DENND2D: variants seen among roughly 807,000 people sequenced by gnomAD.
The protein encoded by DENND2D is DENN domain-containing protein 2D.
DENND2D carries 37 observed loss-of-function variants against 59.8 expected under a neutral mutation model. The ratio of observed to expected loss-of-function variants is 0.62; its 90% confidence interval spans 0.48 to 0.81. The LOEUF is 0.81. DENND2D is among the 40% of genes least tolerant of loss of function. The pLI, the probability that DENND2D is intolerant of heterozygous loss-of-function variation, is 0.00. For synonymous variants in DENND2D, 219 were observed against 211.3 expected (o/e 1.04, Z -0.31); for missense variants, 525 against 579.7 (o/e 0.91, Z 0.97).
intron 10 of DENND2D, 113 bp from the exon 11 acceptor site, chr1:111,188,483 G>A: frequency 6.8e-7 from 1 of 1,466,738 alleles, no homozygotes; most frequent in South Asian, 1.3e-5. Context: ...AAGCCATAGG[G>A]TAGGGTTCAT....
At chr1:111,202,319 T>C (rs567742798), upstream of DENND2D, 2 of 152,160 alleles carry the variant, frequency 1.3e-5, no homozygotes, top group Non-Finnish European at 2.9e-5. Flanking sequence ...GCCCAAGAAA[T>C]GCAGCAAAAG....
At position 111,188,284 on chromosome 1, in the gene DENND2D, G is replaced by C; in HGVS notation, c.1186C>G (p.Arg396Gly). Residue 396 changes from arginine to glycine, a missense_variant, in exon 11 of 12, where the codon CGG becomes GGG. By Grantham distance (125) the Arg-to-Gly change is moderately radical. Coordinates refer to ENST00000357640, the MANE Select transcript of DENND2D (RefSeq NM_024901.5). ...AAGTGGCCTTGCCCATTTGCCTCCC[G>C]CTTGATATAGGAAGCATAATGGCCC... The part of the protein sequence containing the change: ...IVGHYASYIK[R>G]EANGQGHFQE... 1 of 1,614,152 alleles carries C rather than the reference G, an allele frequency of 6.2e-7. No homozygotes were observed. Among genetic ancestry groups the C allele is most frequent in the Non-Finnish European group, 8.5e-7 (1 of 1,180,026 alleles).
At position 111,196,120 on chromosome 1, in the gene DENND2D, C is replaced by T; in HGVS notation, c.505-64G>A. 5.9e-6 allele frequency: 9 copies of T among 1,527,696 alleles called. No individual in the cohort carries two copies. The South Asian group carries it at 1.1e-4, about 19-fold the overall frequency. 94.6% of individuals were successfully genotyped at this position (1,527,696 alleles called of 1,614,324 possible). On this transcript the variant is annotated intron_variant, in intron 5 of 11. Transcript: ENST00000357640. ...GACACTACCAGGCAGGTGGAAGAGA[C>T]TCTACTTGCCCCTGAGCGTCATAAT... is the stretch of plus-strand genomic sequence containing the variant.
chr1:111,200,117 T>C, intron 1 of DENND2D: 1 of 564,768 alleles, frequency 1.8e-6, no homozygotes, highest in Non-Finnish European at 3.1e-6. Context: ...TGTCGGGTGC[T>C]TCTGGCAGTC....
At chr1:111,198,588 T>C in intron 3 of DENND2D, 42 bp downstream of exon 3, 1 of 1,593,702 alleles carries the variant, frequency 6.3e-7, no homozygotes, top group Non-Finnish European at 8.6e-7. Flanking sequence ...ACATGTTCCT[T>C]CTCCCCAAAT....
chr1:111,189,241 T>G lies in DENND2D; in HGVS notation c.985A>C (p.Asn329His). The G allele has an allele frequency of 6.2e-7, 1 of 1,614,210 alleles. No individual in the cohort carries two copies. The highest frequency in any genetic ancestry group is 8.5e-7 in the Non-Finnish European group (1 of 1,180,024). Residue 329 changes from asparagine (N) to histidine (H), a missense_variant, in exon 9 of 12, where the codon AAT becomes CAT. Physicochemically the swap from Asn to His is moderately conservative, Grantham distance 68 (BLOSUM62 1). Transcript: ENST00000357640. ...DSPMEEVLLV[N>H]LCEGTFLMSV... ...ATTAAGAAGGTTCCTTCACAAAGAT[T>G]GACCAGCAGGACCTGAAATAAACAT...
chr1:111,188,150 C>A lies in DENND2D; in HGVS notation c.1320G>T (p.Lys440Asn). Residue 440 changes from lysine (K) to asparagine (N), a missense_variant, in exon 11 of 12, where the codon AAG (lysine) becomes AAT (asparagine). Transcript: ENST00000357640. ...CTGTACCTGCAGGAGGATTCTTGCT[C>A]TTCTCGGCTTCCTGGATGAAAAGTG... The part of the protein sequence containing the change: ...LFSLFIQEAE[K>N]SKNPPAGYFQ... 1 of 1,614,204 alleles carries A rather than the reference C, an allele frequency of 6.2e-7. No individual in the cohort carries two copies. Among genetic ancestry groups the A allele is most frequent in the Non-Finnish European group, 8.5e-7 (1 of 1,180,048 alleles).
At chr1:111,197,398 C>G in intron 4 of DENND2D, 145 bp from the exon 5 acceptor site, 1 of 1,460,118 alleles carries the variant, frequency 6.8e-7, no homozygotes, top group South Asian at 1.4e-5. Flanking sequence ...GAATGGCCAC[C>G]AGCATCAAAA....
At chr1:111,189,694 C>T (rs1006915342) in intron 8 of DENND2D, among the ~76,000 whole-genome samples, 2 of 152,200 alleles carry the variant, frequency 1.3e-5, no homozygotes, top group Non-Finnish European at 2.9e-5. Flanking sequence ...AAAGAAGCTG[C>T]CCGAGGTCAT....
Position 111,186,347 on chromosome 1 carries a change from T to C in DENND2D, c.*1258A>G, listed in dbSNP as rs1266048314. Among the ~76,000 whole-genome samples the C allele has an allele frequency of 2.8e-4, 43 of 152,204 alleles. No homozygotes were observed. Among genetic ancestry groups the C allele is most frequent in the Admixed American group, 2.7e-3 (42 of 15,284 alleles). On this transcript the variant is annotated 3_prime_UTR_variant, in exon 12 of 12. Transcript: ENST00000357640. ...AAGCTGTGAAGAATAGTAGTGTAGCTAAGCACGGTGTGTGGACAGTGGGAC... is the reference window on the plus strand; with the variant it reads ...AAGCTGTGAAGAATAGTAGTGTAGCCAAGCACGGTGTGTGGACAGTGGGAC...
chr1:111,193,210 A>C (rs1039748426), intron 7 of DENND2D, among the ~76,000 whole-genome samples: 1 of 152,188 alleles, frequency 6.6e-6, no homozygotes, highest in Non-Finnish European at 1.5e-5. Flanking sequence ...TCAAGCTGGC[A>C]CTTCCTGAAT....
chr1:111,197,673 T>G (rs1571194576), intron 4 of DENND2D: 1 of 1,382,782 alleles, frequency 7.2e-7, no homozygotes, highest in Non-Finnish European at 9.4e-7. Flanking sequence ...GGGAGAGGAG[T>G]TAGTTGTATT....
At chr1:111,200,312 G>A (rs759955907) in intron 1 of DENND2D, 81 bp downstream of exon 1, 138 of 1,536,282 alleles carry the variant, frequency 9.0e-5, no homozygotes, top group Non-Finnish European at 1.2e-4. Context: ...AGGAAGAGGA[G>A]GAAGGAGCAT....
At chr1:111,202,842 C>T (rs372551123), upstream of DENND2D, among the ~76,000 whole-genome samples, 300 of 151,386 alleles carry the variant, frequency 2.0e-3, 1 homozygote, top group Middle Eastern at 3.4e-3. Context: ...CCTGGCCCTA[C>T]AAGTGTTAGG....
At chr1:111,188,847 C>G in intron 9 of DENND2D, 61 bp from the exon 10 acceptor site, 1 of 1,455,668 alleles carries the variant, frequency 6.9e-7, no homozygotes, top group Non-Finnish European at 9.6e-7. Context: ...AGGTGGTTGG[C>G]AGAAAAGCAT....
Position 111,197,948 on chromosome 1 carries a change from C to A in DENND2D, c.398G>T (p.Arg133Ile). ...SFVLTNVDGS[R>I]KIGYCRRLLP... is the part of the protein sequence containing the mutation. The stretch of plus-strand genomic sequence containing the variant: ...GAGGCGCCTGCAGTATCCAATCTTT[C>A]TGCTCCCATCCACATTGGTCAGAAC... Residue 133 changes from arginine to isoleucine, a missense_variant, in exon 4 of 12, where the codon AGA becomes ATA. By Grantham distance (97) the Arg-to-Ile change is moderately conservative (BLOSUM62 -3). Around this residue, in one of 3 missense-constraint regions of DENND2D, gnomAD observed 253 missense variants for 246.4 expected, o/e 1.03. Transcript: ENST00000357640. 1 of 1,614,102 alleles carries A rather than the reference C, an allele frequency of 6.2e-7. No individual in the cohort carries two copies. The highest frequency in any genetic ancestry group is 8.5e-7 in the Non-Finnish European group (1 of 1,180,012).
At position 111,197,864 on chromosome 1, in the gene DENND2D, A is replaced by G; in HGVS notation, c.426+56T>C. On this transcript the variant is annotated intron_variant, in intron 4 of 11. Transcript: ENST00000357640. ...TTGCAGCTCAGGCTTGAGCAAGCCC[A>G]GCCGTGGAGCTGAGCAGACTGCAGA... 4 of 1,610,830 alleles carry G rather than the reference A, an allele frequency of 2.5e-6. No individual in the cohort carries two copies. In the South Asian group the frequency reaches 4.4e-5, roughly 18 times the overall value.
rs151104089 is a variant in DENND2D, at chr1:111,197,190, C to T, written c.490G>A (p.Gly164Ser). 423 of 1,613,416 alleles carry T rather than the reference C, an allele frequency of 2.6e-4. 1 individual carries two copies. Among genetic ancestry groups the T allele is most frequent in the African/African-American group, 9.5e-4 (71 of 74,964 alleles). The part of the protein sequence containing the change: ...YCIISCIGCF[G>S]LFSKILDEVE... ...CCTATCCCTACCTTGGAGAACAAGC[C>T]GAAGCAGCCGATGCAGCTGATGATG... Residue 164 changes from glycine (G) to serine (S), a missense_variant, in exon 5 of 12, where the codon GGC becomes AGC. Physicochemically the swap from Gly to Ser is moderately conservative, Grantham distance 56. This residue lies in a region of DENND2D where 253 missense variants were observed against 246.4 expected (regional missense o/e 1.03). Transcript: ENST00000357640.
At chr1:111,200,844 G>T, upstream of DENND2D, 1 of 494,144 alleles carries the variant, frequency 2.0e-6, no homozygotes, top group Non-Finnish European at 3.1e-6. Context: ...TGCAGATTGT[G>T]CAGAGAGTTA....
Sources: allele counts gnomAD v4.1 joint callset (sites outside exome capture counted in the v4.1 genomes callset), GRCh38; gene constraint gnomAD v4.1.1; regional missense constraint gnomAD v4.1.1; transcripts MANE v1.5; gene names NCBI Gene and HGNC (gene_info 2026-07-23, HGNC 2026-07-21).